The following ZNF570 variants were observed in gnomAD, a reference collection of about 807,000 sequenced individuals.
The protein encoded by ZNF570 is zinc finger protein 570.
In ZNF570, 8 loss-of-function variants were observed where a neutral mutation model predicts 14.2. The ratio of observed to expected loss-of-function variants is 0.56; its 90% CI spans 0.33 to 1.02. The LOEUF is 1.02. Ranked by LOEUF, ZNF570 falls within the 50% of genes least tolerant of loss-of-function variation. The pLI is 0.03. For synonymous variants in ZNF570, 202 were observed against 207.6 expected, an observed-to-expected ratio of 0.97 and a Z score of 0.23; for missense variants, 559 against 624.9, an observed-to-expected ratio of 0.89 and a Z score of 1.12.
At chr19:37,469,623 G>A in intron 1 of ZNF570, 66 bp downstream of exon 1, 3 of 1,466,668 alleles carry the variant, frequency 2.0e-6, no homozygotes, top group South Asian at 1.2e-5. Flanking sequence ...GACTGGGTGC[G>A]AGGAAGTCAA....
intron 1 of ZNF570, 58 bp from the exon 2 acceptor site, chr19:37,470,246 G>GGT (rs199763868): frequency 0.025 from 38,061 of 1,514,338 alleles, 775 homozygotes; most frequent in South Asian, 0.081. Flanking sequence ...AGTCTAGACT[G>GGT]GTGATTCTGG....
chr19:37,475,856 G>A (rs185275998), intron 2 of ZNF570, 25 bp from the exon 3 acceptor site: 3 of 1,602,676 alleles, frequency 1.9e-6, no homozygotes, highest in African/African-American at 2.7e-5. Flanking sequence ...TAAGAGATAA[G>A]GTTCTTCCAT....
At position 37,470,309 on chromosome 19, in the gene ZNF570, T is replaced by G; in HGVS notation, c.-46T>G. On this transcript the variant is annotated 5_prime_UTR_variant, in exon 2 of 5. Coordinates refer to ENST00000330173, the MANE Select transcript of ZNF570 (RefSeq NM_144694.5). ...TGTTCTTTTCCCCATCTCAGTCATC[T>G]GAGGCCACTGCTATTTCCCAAGAGA... The G allele has an allele frequency of 6.2e-7, 1 of 1,614,076 alleles. No homozygotes were observed.
chr19:37,471,553 A>G (rs1012083405), intron 2 of ZNF570, among the ~76,000 whole-genome samples: 1 of 152,086 alleles, frequency 6.6e-6, no homozygotes, highest in Non-Finnish European at 1.5e-5. Context: ...AGCCTCAAAT[A>G]CCATGTATAT....
upstream of ZNF570, chr19:37,467,883 C>T (rs1488867051): frequency 4.6e-6 from 7 of 1,535,940 alleles, no homozygotes; most frequent in African/African-American, 8.2e-5. Context: ...GCAGTTTTGT[C>T]AGAGACAATG....
In ZNF570 at chr19:37,485,493, T is replaced by C; in HGVS notation, c.*260T>C. The C allele has an allele frequency of 3.0e-6, 1 of 337,860 alleles. No individual in the cohort carries two copies. The highest frequency in any genetic ancestry group is 8.2e-5 in the South Asian group (1 of 12,244). The allele number at this position is 337,860 out of a possible 1,614,324, so 20.9% of individuals were successfully genotyped here. ...GACGATCTCAGCTCACTGCAACCTCTGACTCCCAGCCTCTGCCTCCAGGGT... is the reference window on the plus strand; with the variant it reads ...GACGATCTCAGCTCACTGCAACCTCCGACTCCCAGCCTCTGCCTCCAGGGT... On this transcript the variant is annotated 3_prime_UTR_variant, in exon 5 of 5. Transcript: ENST00000330173.
Position 37,484,665 on chromosome 19 carries a change from A to G in ZNF570, c.1043A>G (p.His348Arg). ...AGCAACAGATCATCCATTGCTCAAC[A>G]CCAGAGAGTTCATACAGGAGAGAAA... ...AFSNRSSIAQ[H>R]QRVHTGEKPY... is the part of the protein sequence containing the mutation. The change falls in exon 5 of 5, where the codon CAC becomes CGC. Residue 348 changes from histidine to arginine, a missense_variant. His to Arg is a conservative substitution (Grantham distance 29, BLOSUM62 0). Transcript: ENST00000330173. The G allele has an allele frequency of 6.2e-7, 1 of 1,614,114 alleles. No individual in the cohort carries two copies. Among genetic ancestry groups the G allele is most frequent in the Non-Finnish European group, 8.5e-7 (1 of 1,180,014 alleles).
intron 2 of ZNF570, among the ~76,000 whole-genome samples, chr19:37,470,728 G>T: frequency 8.0e-6 from 1 of 124,940 alleles, no homozygotes; most frequent in Non-Finnish European, 1.6e-5. Context: ...TTGAGACAGA[G>T]TCTCACTCTG....
chr19:37,469,356 G>T lies in ZNF570; in HGVS notation c.-253G>T, dbSNP rs1600371549. 7.0e-7 allele frequency: 1 copy of T among 1,425,978 alleles called. No homozygotes were observed. The highest frequency in any genetic ancestry group is 9.2e-7 in the Non-Finnish European group (1 of 1,089,946). The allele number at this position is 1,425,978 out of a possible 1,614,324, so 88.3% of individuals were successfully genotyped here. A position where few individuals can be genotyped will look rare whatever the true frequency, so the allele number is the denominator to read the frequency against. The stretch of plus-strand genomic sequence containing the variant: ...CTCCGGGGGCGGAGGCAGCTGAGGC[G>T]CTTCTTTCCGGGCCCGTAAGGGCTG... On this transcript the variant is annotated 5_prime_UTR_variant, in exon 1 of 5. Coordinates refer to ENST00000330173, the MANE Select transcript of ZNF570 (RefSeq NM_144694.5).
chr19:37,474,717 C>T (rs1453013916), intron 2 of ZNF570, among the ~76,000 whole-genome samples: 2 of 152,104 alleles, frequency 1.3e-5, no homozygotes, highest in Non-Finnish European at 2.9e-5. Flanking sequence ...GCCTCGGCCT[C>T]CCAAGTGCTG....
chr19:37,474,624 T>G (rs769270335), intron 2 of ZNF570, among the ~76,000 whole-genome samples: 7 of 152,034 alleles, frequency 4.6e-5, no homozygotes, highest in Non-Finnish European at 7.4e-5. Context: ...TATGCCCAGC[T>G]AATTTTTGTA....
At chr19:37,469,778 C>A in intron 1 of ZNF570, 1 of 590,448 alleles carries the variant, frequency 1.7e-6, no homozygotes, top group Non-Finnish European at 3.0e-6. Flanking sequence ...TGAGCCTTGC[C>A]GGTATGGGAA....
rs926736809 is a variant in ZNF570, at chr19:37,469,371, C to T, written c.-238C>T. On this transcript the variant is annotated 5_prime_UTR_variant, in exon 1 of 5. Coordinates refer to ENST00000330173, the MANE Select transcript of ZNF570 (RefSeq NM_144694.5). Reference sequence around the variant, plus strand: ...CAGCTGAGGCGCTTCTTTCCGGGCCCGTAAGGGCTGGGTTCCATCCAACTA... The same window carrying T: ...CAGCTGAGGCGCTTCTTTCCGGGCCTGTAAGGGCTGGGTTCCATCCAACTA... 6 of 1,435,756 alleles carry T rather than the reference C, an allele frequency of 4.2e-6. No homozygotes were observed. In the African/African-American group the frequency reaches 7.1e-5, roughly 17 times the overall value. 88.9% of individuals were successfully genotyped at this position (1,435,756 alleles called of 1,614,324 possible).
At chr19:37,471,432 G>T (rs1466991266) in intron 2 of ZNF570, among the ~76,000 whole-genome samples, 1 of 152,126 alleles carries the variant, frequency 6.6e-6, no homozygotes, top group Non-Finnish European at 1.5e-5. Flanking sequence ...AACCAAAAAC[G>T]TTCATTCATT....
rs375705755 is a variant in ZNF570 at position 37,484,939 on chromosome 19, G to C, written c.1317G>C (p.Glu439Asp). Residue 439 changes from glutamate (E) to aspartate (D), a missense_variant, in exon 5 of 5, where the codon GAG becomes GAC. Coordinates refer to ENST00000330173, the MANE Select transcript of ZNF570 (RefSeq NM_144694.5). ...AGCATCAAAGAGTTCATACTGGAGAGAAACCCTATGAATGTATTGAATGTG... is the reference window on the plus strand; with the variant it reads ...AGCATCAAAGAGTTCATACTGGAGACAAACCCTATGAATGTATTGAATGTG... ...LAQHQRVHTGEKPYECIECGK... is the reference protein window; with the variant it reads ...LAQHQRVHTGDKPYECIECGK... 2.5e-6 allele frequency: 4 copies of C among 1,613,958 alleles called. No individual in the cohort carries two copies. The African/African-American group carries it at 5.3e-5, about 22-fold the overall frequency.
chr19:37,487,711 G>GTTGTTT lies in ZNF570; in HGVS notation c.*2492_*2497dup, dbSNP rs1040512927. ...AATGTTTCAGTGGTTTTTTTTGTTT[G>GTTGTTT]TTGTTTTTGTTTTTGTTTTGCCCTT... On this transcript the variant is annotated 3_prime_UTR_variant, in exon 5 of 5. Coordinates refer to ENST00000330173, the MANE Select transcript of ZNF570 (RefSeq NM_144694.5). 6.6e-6 allele frequency: 1 copy of GTTGTTT among 151,954 alleles called. No individual in the cohort carries two copies. Among genetic ancestry groups the GTTGTTT allele is most frequent in the Non-Finnish European group, 1.5e-5 (1 of 67,952 alleles). The allele number at this position is 151,954 out of a possible 1,614,324, so 9.4% of individuals were successfully genotyped here. A position where few individuals can be genotyped will look rare whatever the true frequency, so the allele number is the denominator to read the frequency against.
intron 1 of ZNF570, 90 bp downstream of exon 1, chr19:37,469,647 T>C (rs2041920219): frequency 7.7e-7 from 1 of 1,298,286 alleles, no homozygotes. Context: ...CACCGTGGAA[T>C]GTGAGGCTGT....
Position 37,485,731 on chromosome 19 carries a change from T to G in ZNF570, c.*498T>G, listed in dbSNP as rs187522541. The G allele has an allele frequency of 6.6e-6, 1 of 152,312 alleles. No individual in the cohort carries two copies. The highest frequency in any genetic ancestry group is 2.4e-5 in the African/African-American group (1 of 41,434). 9.4% of individuals were successfully genotyped at this position (152,312 alleles called of 1,614,324 possible). A position where few individuals can be genotyped will look rare whatever the true frequency, so the allele number is the denominator to read the frequency against. On this transcript the variant is annotated 3_prime_UTR_variant, in exon 5 of 5. Transcript: ENST00000330173. ...AGCCACCACGCCCAGCCTCAAAGTG[T>G]TCTTTTTAAAGAATAAGAAAACACA...
chr19:37,470,695 C>CTTTTTT (rs760686313), intron 2 of ZNF570, among the ~76,000 whole-genome samples: 30 of 93,004 alleles, frequency 3.2e-4, no homozygotes, highest in African/African-American at 3.8e-4. Flanking sequence ...CTTATTTATT[C>CTTTTTT]TTTTTTTTTT....
Sources: gnomAD v4.1 joint callset for allele counts (sites outside exome capture counted in the v4.1 genomes callset) on GRCh38, gnomAD v4.1.1 for gene constraint, MANE v1.5 for transcripts, NCBI Gene and HGNC (gene_info 2026-07-23, HGNC 2026-07-21) for gene names.